MYO10: variants seen among roughly 807,000 people sequenced by gnomAD.
MYO10 encodes myosin X, also known as unconventional myosin-X.
In MYO10, 133 loss-of-function variants were observed where a neutral mutation model predicts 257.3. The observed-to-expected ratio is 0.52, with a 90% CI of 0.45 to 0.60. The LOEUF is 0.60. Among genes scored for constraint, MYO10 ranks in the 20% least tolerant of loss-of-function variants. The pLI is 0.00. For synonymous variants in MYO10, 1,104 were observed against 1,028.6 expected (o/e 1.07, Z -1.40); for missense variants, 2,399 against 2,635.7 (o/e 0.91, Z 1.97).
intron 19 of MYO10, among the ~76,000 whole-genome samples, chr5:16,723,724 A>G (rs1447165041): frequency 2.6e-5 from 4 of 152,238 alleles, no homozygotes; most frequent in Non-Finnish European, 4.4e-5. Context: ...GACATCCTTC[A>G]ACAGGTGAAT....
chr5:16,904,901 G>C (rs1293343793), intron 1 of MYO10, among the ~76,000 whole-genome samples: 3 of 152,056 alleles, frequency 2.0e-5, no homozygotes, highest in Non-Finnish European at 4.4e-5. Context: ...TGCACTCCAG[G>C]CTGGGCGACA....
At chr5:16,681,603 GC>G (rs1478272707) in intron 31 of MYO10, 100 bp from the exon 32 acceptor site, 6 of 1,288,968 alleles carry the variant, frequency 4.7e-6, no homozygotes, top group Non-Finnish European at 6.4e-6. Context: ...GGGGTTTCTA[GC>G]TGTTTGCCAG....
At chr5:16,790,579 A>G (rs1741721756) in intron 4 of MYO10, among the ~76,000 whole-genome samples, 1 of 152,082 alleles carries the variant, frequency 6.6e-6, no homozygotes. Context: ...CTGCCTTTGC[A>G]TCTTCTTCAC....
At chr5:16,920,977 G>C (rs970534676) in intron 1 of MYO10, among the ~76,000 whole-genome samples, 4 of 151,992 alleles carry the variant, frequency 2.6e-5, no homozygotes, top group Admixed American at 2.6e-4. Context: ...ATTAGTTGGG[G>C]CGTGGTGGTG....
At chr5:16,731,188 G>A (rs1261949873) in intron 19 of MYO10, among the ~76,000 whole-genome samples, 1 of 151,492 alleles carries the variant, frequency 6.6e-6, no homozygotes, top group Non-Finnish European at 1.5e-5. Flanking sequence ...GGGATTACAG[G>A]TGCCCGCCAC....
Position 16,786,048 on chromosome 5 carries a change from T to A in MYO10, c.468-2579A>T, listed in dbSNP as rs115351471. 6.3e-3 allele frequency among the ~76,000 whole-genome samples: 951 copies of A among 151,662 alleles called. 5 individuals are homozygous for A. The highest frequency in any genetic ancestry group is 0.022 in the African/African-American group (902 of 41,302). ...CCACCTTCCGCTTGCCACCTAAGTG[T>A]CCTCAGAGATGGTACATCTCCCAAG... is the stretch of plus-strand genomic sequence containing the variant. On this transcript the variant is annotated intron_variant, in intron 4 of 40. Transcript: ENST00000513610.
chr5:16,668,399 G>A lies in MYO10; in HGVS notation c.5953C>T (p.Arg1985Cys), dbSNP rs748838755. ...VSADAVSVYK[R>C]GEGRPLEVFQ... ...ACTTCCAGTGGTCTTCCCTCTCCACGCTTGTAGACGGAGACGGCGTCCGCG... is the reference window on the plus strand; with the variant it reads ...ACTTCCAGTGGTCTTCCCTCTCCACACTTGTAGACGGAGACGGCGTCCGCG... The change falls in exon 40 of 41, where the codon CGT becomes TGT. Residue 1985 changes from arginine (R) to cysteine (C), a missense_variant. Physicochemically the swap from Arg to Cys is radical, Grantham distance 180. Transcript: ENST00000513610. 37 of 1,613,810 alleles carry A rather than the reference G, an allele frequency of 2.3e-5. No individual in the cohort carries two copies. In the East Asian group the frequency reaches 5.3e-4, roughly 23 times the overall value.
intron 1 of MYO10, among the ~76,000 whole-genome samples, chr5:16,893,087 C>T (rs1208197965): frequency 6.7e-6 from 1 of 149,358 alleles, no homozygotes; most frequent in Non-Finnish European, 1.5e-5. Context: ...GTCCCAGCTA[C>T]TCGGGAGGCT....
rs773905535 is a variant in MYO10, at chr5:16,694,630, T to A, written c.3557-16A>T. The A allele has an allele frequency of 6.2e-7, 1 of 1,612,744 alleles. No homozygotes were observed. The highest frequency in any genetic ancestry group is 8.5e-7 in the Non-Finnish European group (1 of 1,179,734). On this transcript the variant is annotated splice_polypyrimidine_tract_variant and intron_variant, in intron 26 of 40. Transcript: ENST00000513610. Reference sequence around the variant, plus strand: ...ATCAGGCCACCTGTTCCCCGTGAGATTGGGTAGAGAGGGGTGAAAGAAAAG... The same window carrying A: ...ATCAGGCCACCTGTTCCCCGTGAGAATGGGTAGAGAGGGGTGAAAGAAAAG...
At chr5:16,786,755 C>T (rs994717356) in intron 4 of MYO10, among the ~76,000 whole-genome samples, 2 of 152,094 alleles carry the variant, frequency 1.3e-5, no homozygotes, top group Admixed American at 6.6e-5. Flanking sequence ...CTTGGAAAAA[C>T]CCTCAGATTT....
intron 1 of MYO10, among the ~76,000 whole-genome samples, chr5:16,891,749 T>G (rs1260458347): frequency 6.6e-6 from 1 of 152,142 alleles, no homozygotes; most frequent in Non-Finnish European, 1.5e-5. Flanking sequence ...CCATCTTCAT[T>G]CTTGACCCTC....
At chr5:16,897,147 G>A (rs567345649) in intron 1 of MYO10, among the ~76,000 whole-genome samples, 1 of 152,156 alleles carries the variant, frequency 6.6e-6, no homozygotes, top group African/African-American at 2.4e-5. Flanking sequence ...AATAATTAAT[G>A]CTCACTGCAA....
chr5:16,886,261 G>T (rs1744894526), intron 1 of MYO10, among the ~76,000 whole-genome samples: 1 of 152,206 alleles, frequency 6.6e-6, no homozygotes, highest in South Asian at 2.1e-4. Flanking sequence ...TCTCAAGAGA[G>T]AAACTTGGTG....
intron 1 of MYO10, among the ~76,000 whole-genome samples, chr5:16,885,538 T>G (rs1301431820): frequency 1.3e-5 from 2 of 151,984 alleles, no homozygotes; most frequent in Non-Finnish European, 2.9e-5. Flanking sequence ...CTGGGCGCAG[T>G]GGTGGGTGCC....
intron 2 of MYO10, among the ~76,000 whole-genome samples, chr5:16,845,643 T>C (rs1416166605): frequency 6.6e-6 from 1 of 152,116 alleles, no homozygotes; most frequent in Non-Finnish European, 1.5e-5. Context: ...GGTGAGACCC[T>C]GTCTCTTGAA....
intron 1 of MYO10, among the ~76,000 whole-genome samples, chr5:16,883,230 T>C (rs1744808245): frequency 6.6e-6 from 1 of 152,150 alleles, no homozygotes; most frequent in Non-Finnish European, 1.5e-5. Flanking sequence ...TTTTAAAAAA[T>C]TGTTTTCCCA....
At chr5:16,721,610 TGTCA>T (rs1464129119) in intron 19 of MYO10, among the ~76,000 whole-genome samples, 4 of 152,186 alleles carry the variant, frequency 2.6e-5, no homozygotes, top group African/African-American at 9.7e-5. Flanking sequence ...GCGAGCAAGC[TGTCA>T]GTCAGTCCTG....
chr5:16,892,131 G>C (rs1745077483), intron 1 of MYO10, among the ~76,000 whole-genome samples: 1 of 152,144 alleles, frequency 6.6e-6, no homozygotes, highest in Admixed American at 6.5e-5. Context: ...GCTACCAAGA[G>C]AGAGAGGCAG....
intron 1 of MYO10, among the ~76,000 whole-genome samples, chr5:16,908,798 A>G (rs994188330): frequency 6.6e-6 from 1 of 152,258 alleles, no homozygotes; most frequent in African/African-American, 2.4e-5. Context: ...GGAATATCGG[A>G]ATGTACTGAT....
Sources: allele counts gnomAD v4.1 joint callset (sites outside exome capture counted in the v4.1 genomes callset), GRCh38; gene constraint gnomAD v4.1.1; transcripts MANE v1.5; gene names NCBI Gene and HGNC (gene_info 2026-07-23, HGNC 2026-07-21).